Variants in ELAPOR1 observed in about 807,000 individuals in gnomAD.
ELAPOR1 encodes the protein endosome-lysosome associated apoptosis and autophagy regulator 1, also known as endosome/lysosome-associated apoptosis and autophagy regulator 1.
ELAPOR1 carries 77 observed loss-of-function variants against 119.7 expected under a neutral mutation model. That is an observed-to-expected ratio of 0.64 (90% CI 0.54 to 0.78). The LOEUF (loss-of-function observed/expected upper bound fraction) is 0.78. Ranked by LOEUF, ELAPOR1 falls within the 30% of genes least tolerant of loss-of-function variation. The pLI is 0.00. For synonymous variants in ELAPOR1, 481 were observed against 487.2 expected (o/e 0.99, Z 0.17); for missense variants, 1,115 against 1,270.4 (o/e 0.88, Z 1.86).
chr1:109,175,264 G>A (rs1486998500), intron 7 of ELAPOR1, among the ~76,000 whole-genome samples: 2 of 151,562 alleles, frequency 1.3e-5, no homozygotes, highest in African/African-American at 4.8e-5. Context: ...ATGCAGTGGC[G>A]TGATCTCGGC....
In ELAPOR1 at chr1:109,191,877, C is replaced by T; in HGVS notation, c.1683+14C>T. ...TTTCATGAGGCAGTAAGTTCCTCCC[C>T]TTCCTCAGACCCCCAGGAGAGACCC... On this transcript the variant is annotated intron_variant, in intron 13 of 21. Transcript: ENST00000369939. 1 of 1,613,926 alleles carries T rather than the reference C, an allele frequency of 6.2e-7. No individual in the cohort carries two copies. The highest frequency in any genetic ancestry group is 1.1e-5 in the South Asian group (1 of 91,064).
At chr1:109,189,004 C>T (rs1653246735) in intron 9 of ELAPOR1, 62 bp from the exon 10 acceptor site, 1 of 1,591,304 alleles carries the variant, frequency 6.3e-7, no homozygotes. Context: ...GTGGCAGCAG[C>T]TCCAGTCAGA....
chr1:109,178,178 T>C (rs560339462), intron 7 of ELAPOR1, among the ~76,000 whole-genome samples: 8 of 152,086 alleles, frequency 5.3e-5, no homozygotes, highest in Non-Finnish European at 1.2e-4. Context: ...CTTGCCTAAA[T>C]TTTTGTATTT....
At chr1:109,129,207 T>C (rs1648984409) in intron 1 of ELAPOR1, among the ~76,000 whole-genome samples, 1 of 152,186 alleles carries the variant, frequency 6.6e-6, no homozygotes, top group Non-Finnish European at 1.5e-5. Context: ...AGAAGAATTA[T>C]ATGATATAAA....
In ELAPOR1 at chr1:109,174,413, TAAAAAAAAAAAAAAAAAAA is replaced by T. The variant is rs59275691; in HGVS notation, c.952+593_952+611del. The stretch of plus-strand genomic sequence containing the variant: ...GGGTGACAGAGTAAGACCCTGTCTC[TAAAAAAAAAAAAAAAAAAA>T]AAAAAAAAAAAAAAAATCATTCAAT... On this transcript the variant is annotated intron_variant, in intron 7 of 21. Transcript: ENST00000369939. Among the ~76,000 whole-genome samples, 8 of 42,044 alleles carry T rather than the reference TAAAAAAAAAAAAAAAAAAA, an allele frequency of 1.9e-4. No individual in the cohort carries two copies. In the East Asian group the frequency reaches 3.8e-3, roughly 20 times the overall value. The allele number at this position is 42,044 out of a possible 152,430, so 27.6% of individuals were successfully genotyped here.
intron 1 of ELAPOR1, among the ~76,000 whole-genome samples, chr1:109,140,947 G>A (rs762048939): frequency 3.3e-5 from 5 of 152,156 alleles, no homozygotes; most frequent in Non-Finnish European, 5.9e-5. Flanking sequence ...CCCCTCCCGG[G>A]TTCAAGTGAT....
At chr1:109,141,114 A>T (rs1476486562) in intron 1 of ELAPOR1, among the ~76,000 whole-genome samples, 1 of 152,202 alleles carries the variant, frequency 6.6e-6, no homozygotes, top group African/African-American at 2.4e-5. Context: ...GGCCTCCCAA[A>T]GTGCTGGGAT....
At chr1:109,162,353 A>T (rs971060229) in intron 2 of ELAPOR1, among the ~76,000 whole-genome samples, 2 of 152,030 alleles carry the variant, frequency 1.3e-5, no homozygotes, top group Non-Finnish European at 2.9e-5. Flanking sequence ...ATCTACACTC[A>T]CTCACCAGCC....
At chr1:109,134,383 G>A (rs1220651874) in intron 1 of ELAPOR1, among the ~76,000 whole-genome samples, 1 of 152,102 alleles carries the variant, frequency 6.6e-6, no homozygotes, top group Non-Finnish European at 1.5e-5. Context: ...TGAAGCCCTG[G>A]TGTGGGCTTC....
intron 1 of ELAPOR1, among the ~76,000 whole-genome samples, chr1:109,116,632 C>T (rs1213236944): frequency 6.6e-6 from 1 of 151,280 alleles, no homozygotes; most frequent in African/African-American, 2.4e-5. Context: ...GGGCTTCCAA[C>T]CCCAAATGGT....
chr1:109,121,377 C>T (rs554021989), intron 1 of ELAPOR1, among the ~76,000 whole-genome samples: 6 of 152,308 alleles, frequency 3.9e-5, no homozygotes, highest in Admixed American at 2.0e-4. Context: ...GAACTCTTGA[C>T]CTCGGGTGAT....
chr1:109,163,377 T>A (rs2101042786), intron 2 of ELAPOR1, among the ~76,000 whole-genome samples: 1 of 152,304 alleles, frequency 6.6e-6, no homozygotes, highest in African/African-American at 2.4e-5. Flanking sequence ...ATAAGGAGAA[T>A]AATAGTACAT....
At chr1:109,125,568 T>G (rs1648721118) in intron 1 of ELAPOR1, among the ~76,000 whole-genome samples, 1 of 151,316 alleles carries the variant, frequency 6.6e-6, no homozygotes, top group South Asian at 2.1e-4. Context: ...GTATTTTTAG[T>G]AGAGACAGCA....
At chr1:109,123,825 G>A (rs2100965658) in intron 1 of ELAPOR1, among the ~76,000 whole-genome samples, 1 of 152,194 alleles carries the variant, frequency 6.6e-6, no homozygotes, top group East Asian at 1.9e-4. Flanking sequence ...TTGAGATAGA[G>A]TTTTTCTCTA....
At chr1:109,114,725 T>G (rs553693700) in intron 1 of ELAPOR1, among the ~76,000 whole-genome samples, 1 of 149,848 alleles carries the variant, frequency 6.7e-6, no homozygotes, top group Non-Finnish European at 1.5e-5. Context: ...GAAAGAAGAG[T>G]AGTGGGAGAG....
intron 7 of ELAPOR1, among the ~76,000 whole-genome samples, chr1:109,183,636 C>CCCTCCTTCCTTCCTTT (rs1652879996): frequency 3.0e-5 from 4 of 133,898 alleles, no homozygotes; most frequent in African/African-American, 1.2e-4. Flanking sequence ...TTCCTTCCTT[C>CCCTCCTTCCTTCCTTT]CTAACAGAGT....
intron 1 of ELAPOR1, among the ~76,000 whole-genome samples, chr1:109,134,875 G>A (rs996703362): frequency 2.0e-5 from 3 of 152,076 alleles, no homozygotes; most frequent in African/African-American, 7.2e-5. Context: ...AAAGAAACTT[G>A]AAGAAAGAAT....
intron 1 of ELAPOR1, among the ~76,000 whole-genome samples, chr1:109,117,844 T>C (rs145721871): frequency 2.5e-3 from 382 of 151,806 alleles, no homozygotes; most frequent in African/African-American, 8.6e-3. Flanking sequence ...GAAAACTAAT[T>C]CAGGGCGGGG....
At chr1:109,143,902 C>T (rs766622638) in intron 1 of ELAPOR1, among the ~76,000 whole-genome samples, 30 of 151,416 alleles carry the variant, frequency 2.0e-4, no homozygotes, top group Middle Eastern at 3.2e-3. Context: ...CTCCAGCAAT[C>T]CACCCGCCTC....
Sources: allele counts gnomAD v4.1 joint callset (sites outside exome capture counted in the v4.1 genomes callset), GRCh38; gene constraint gnomAD v4.1.1; transcripts MANE v1.5; gene names NCBI Gene and HGNC (gene_info 2026-07-23, HGNC 2026-07-21).